Variants in DPP10 observed in about 807,000 individuals in gnomAD.
The protein encoded by DPP10 is inactive dipeptidyl peptidase 10.
In DPP10, 33 loss-of-function variants were observed where a neutral mutation model predicts 120.9. The observed-to-expected ratio is 0.27, with a 90% CI of 0.21 to 0.37. The LOEUF is 0.37. Among genes scored for constraint, DPP10 ranks in the 10% least tolerant of loss-of-function variants. DPP10 has a pLI of 1.00. For missense variants in DPP10, 816 were observed against 942.8 expected (o/e 0.87, Z 1.76); for synonymous variants, 337 against 326.1 (o/e 1.03, Z -0.36).
At chr2:115,219,351 A>G (rs2057013027) in intron 1 of DPP10, among the ~76,000 whole-genome samples, 1 of 152,114 alleles carries the variant, frequency 6.6e-6, no homozygotes, top group Non-Finnish European at 1.5e-5. Context: ...TTGTACATGA[A>G]TCATGAGCAT....
chr2:115,783,688 A>C (rs563027513), intron 17 of DPP10, among the ~76,000 whole-genome samples: 14 of 152,300 alleles, frequency 9.2e-5, no homozygotes, highest in Non-Finnish European at 1.9e-4. Flanking sequence ...TATGTTAAGC[A>C]AATCAAATAT....
chr2:115,058,696 C>G (rs1436409752), intron 1 of DPP10, among the ~76,000 whole-genome samples: 1 of 152,144 alleles, frequency 6.6e-6, no homozygotes, highest in African/African-American at 2.4e-5. Flanking sequence ...CTACCGTGCC[C>G]GGCCTCTTTG....
At chr2:115,597,252 C>G (rs2149200293) in intron 5 of DPP10, among the ~76,000 whole-genome samples, 1 of 152,238 alleles carries the variant, frequency 6.6e-6, no homozygotes, top group East Asian at 1.9e-4. Context: ...AGCCCATTCC[C>G]TAGACATTAA....
At chr2:115,256,613 C>T (rs983970864) in intron 1 of DPP10, among the ~76,000 whole-genome samples, 2 of 152,282 alleles carry the variant, frequency 1.3e-5, no homozygotes, top group East Asian at 3.9e-4. Context: ...GGAGTGGATA[C>T]CTGGAAGACT....
At chr2:114,943,447 T>C (rs1697116346) in intron 1 of DPP10, among the ~76,000 whole-genome samples, 2 of 152,112 alleles carry the variant, frequency 1.3e-5, no homozygotes, top group African/African-American at 4.8e-5. Flanking sequence ...CTAATTTTTA[T>C]ATTCTTAGTA....
At chr2:114,741,539 T>G (rs768977945) in intron 1 of DPP10, among the ~76,000 whole-genome samples, 24 of 152,216 alleles carry the variant, frequency 1.6e-4, no homozygotes, top group Non-Finnish European at 3.2e-4. Flanking sequence ...TCTAGCCCCC[T>G]ATTATATGTT....
At chr2:114,805,269 G>A (rs1684627414) in intron 1 of DPP10, among the ~76,000 whole-genome samples, 1 of 152,082 alleles carries the variant, frequency 6.6e-6, no homozygotes, top group African/African-American at 2.4e-5. Flanking sequence ...GATACACAAA[G>A]AATGTACATT....
In DPP10 at chr2:115,842,117, T is replaced by G. The variant is rs1690210731; in HGVS notation, c.2257-94T>G. ...TTTGATTTTGGTCAGATATTATTAC[T>G]CAAAGTTTCCATGACGTTAGGGCTC... On this transcript the variant is annotated intron_variant, in intron 25 of 25. Transcript: ENST00000410059. 4 of 1,318,268 alleles carry G rather than the reference T, an allele frequency of 3.0e-6. No homozygotes were observed. In the South Asian group the frequency reaches 8.3e-5, roughly 27 times the overall value. The allele number at this position is 1,318,268 out of a possible 1,614,324, so 81.7% of individuals were successfully genotyped here. A position where few individuals can be genotyped will look rare whatever the true frequency, so the allele number is the denominator to read the frequency against.
chr2:115,308,655 G>C (rs1256893979), intron 1 of DPP10, among the ~76,000 whole-genome samples: 1 of 149,620 alleles, frequency 6.7e-6, no homozygotes, highest in Non-Finnish European at 1.5e-5. Flanking sequence ...TTAACCACTG[G>C]TATAGAAGGA....
chr2:115,034,883 C>T (rs896954829), intron 1 of DPP10, among the ~76,000 whole-genome samples: 1 of 152,214 alleles, frequency 6.6e-6, no homozygotes, highest in African/African-American at 2.4e-5. Context: ...GCTGGTCTCC[C>T]TGACTTCAGA....
At chr2:115,732,550 C>CTTAAATTG (rs541522570) in intron 8 of DPP10, among the ~76,000 whole-genome samples, 49 of 152,242 alleles carry the variant, frequency 3.2e-4, no homozygotes, top group Non-Finnish European at 6.8e-4. Context: ...ATGTTATTCA[C>CTTAAATTG]TTAAATTGCT....
At chr2:114,825,161 A>T (rs1175705348) in intron 1 of DPP10, among the ~76,000 whole-genome samples, 1 of 152,216 alleles carries the variant, frequency 6.6e-6, no homozygotes, top group Non-Finnish European at 1.5e-5. Flanking sequence ...GTGTAAAATC[A>T]ATCAGGGATC....
intron 2 of DPP10, among the ~76,000 whole-genome samples, chr2:115,323,311 T>C (rs1030337557): frequency 6.6e-6 from 1 of 152,202 alleles, no homozygotes. Flanking sequence ...ATTCAAGATT[T>C]ATTTTGAGAT....
intron 1 of DPP10, among the ~76,000 whole-genome samples, chr2:114,917,708 AG>A (rs1455951299): frequency 6.6e-5 from 10 of 152,210 alleles, no homozygotes; most frequent in Non-Finnish European, 1.3e-4. Flanking sequence ...CAATGGGGAA[AG>A]GACTCCCTAT....
intron 1 of DPP10, among the ~76,000 whole-genome samples, chr2:114,517,656 C>T (rs894712124): frequency 3.9e-5 from 6 of 152,172 alleles, no homozygotes; most frequent in African/African-American, 1.2e-4. Context: ...AATCCAAATA[C>T]CATCTTGAAA....
chr2:114,779,483 G>A (rs1682077885), intron 1 of DPP10, among the ~76,000 whole-genome samples: 1 of 152,076 alleles, frequency 6.6e-6, no homozygotes, highest in Non-Finnish European at 1.5e-5. Context: ...ATTTTTCAGA[G>A]GACCTATTCC....
At chr2:115,567,230 A>G (rs1377429455) in intron 5 of DPP10, among the ~76,000 whole-genome samples, 4 of 152,018 alleles carry the variant, frequency 2.6e-5, no homozygotes, top group Non-Finnish European at 5.9e-5. Flanking sequence ...TCAATATATA[A>G]TTCTAAAATT....
At chr2:114,989,380 G>C (rs1015633174) in intron 1 of DPP10, among the ~76,000 whole-genome samples, 1 of 152,174 alleles carries the variant, frequency 6.6e-6, no homozygotes, top group African/African-American at 2.4e-5. Flanking sequence ...ATAGTAGGAT[G>C]TCCACAGAGG....
chr2:114,834,793 A>G (rs138813309), intron 1 of DPP10, among the ~76,000 whole-genome samples: 4,291 of 123,956 alleles, frequency 0.035, 858 homozygotes, highest in African/African-American at 0.2. Flanking sequence ...CCATGTCTAC[A>G]CACCTATGTA....
Sources: gnomAD v4.1 joint callset for allele counts (sites outside exome capture counted in the v4.1 genomes callset) on GRCh38, gnomAD v4.1.1 for gene constraint, MANE v1.5 for transcripts, NCBI Gene and HGNC (gene_info 2026-07-23, HGNC 2026-07-21) for gene names.